Variants in MRTFB observed in about 807,000 individuals in gnomAD.
MRTFB encodes the protein myocardin-related transcription factor B.
MRTFB carries 29 observed loss-of-function variants against 104.2 expected under a neutral mutation model. That is an observed-to-expected ratio of 0.28 (90% CI 0.21 to 0.38). The LOEUF (loss-of-function observed/expected upper bound fraction) is 0.38. Ranked by LOEUF, MRTFB falls within the 10% of genes least tolerant of loss-of-function variation. The pLI, the probability that MRTFB is intolerant of heterozygous loss-of-function variation, is 1.00. For synonymous variants in MRTFB, 535 were observed against 519.5 expected (o/e 1.03, Z -0.41); for missense variants, 1,270 against 1,341.6 (o/e 0.95, Z 0.83).
At position 14,240,387 on chromosome 16, in the gene MRTFB, C is replaced by T; in HGVS notation, c.982C>T (p.Arg328Cys). ...NEPQMDSNYA[R>C]LLQQQQLFLQ... ...GCCGCAGATGGACTCTAACTACGCC[C>T]GCCTGCTCCAGCAGCAGCAGCTGTT... Residue 328 changes from arginine to cysteine, a missense_variant, in exon 10 of 17, where the codon CGC (arginine) becomes TGC (cysteine). Arg to Cys is a radical substitution (Grantham distance 180). Around this residue, in one of 3 missense-constraint regions of MRTFB, gnomAD observed 1,144 missense variants for 1,131.5 expected, o/e 1.01. Coordinates refer to ENST00000571589, the MANE Select transcript of MRTFB (RefSeq NM_001308142.2). The T allele has an allele frequency of 2.5e-6, 4 of 1,614,200 alleles. No individual in the cohort carries two copies. Among genetic ancestry groups the T allele is most frequent in the South Asian group, 1.1e-5 (1 of 91,080 alleles).
At chr16:14,128,874 C>G (rs1173202052) in intron 2 of MRTFB, among the ~76,000 whole-genome samples, 2 of 152,198 alleles carry the variant, frequency 1.3e-5, no homozygotes, top group African/African-American at 4.8e-5. Flanking sequence ...GACAAACACA[C>G]AGAGACATGT....
the MRTFB span, among the ~76,000 whole-genome samples, chr16:14,060,996 C>A: frequency 1.2e-4 from 18 of 151,966 alleles, no homozygotes; most frequent in Non-Finnish European, 2.1e-4. Flanking sequence ...AATACAAAAA[C>A]TTAGCCAGGT....
chr16:14,160,861 C>G (rs182163644), intron 3 of MRTFB, among the ~76,000 whole-genome samples: 1 of 151,884 alleles, frequency 6.6e-6, no homozygotes, highest in East Asian at 1.9e-4. Context: ...TTGGCCCATC[C>G]CCCTTAATTT....
intron 2 of MRTFB, among the ~76,000 whole-genome samples, chr16:14,088,294 T>A (rs1186809682): frequency 3.3e-5 from 5 of 152,318 alleles, no homozygotes; most frequent in Admixed American, 1.3e-4. Context: ...ACAACAGTTC[T>A]GTGAGGATAG....
chr16:14,260,777 C>T (rs1185243525), intron 16 of MRTFB, 132 bp from the exon 17 acceptor site: 1 of 719,392 alleles, frequency 1.4e-6, no homozygotes, highest in Non-Finnish European at 2.3e-6. Context: ...CAATAGCATT[C>T]TCTTCCTACT....
At chr16:14,243,798 C>T (rs1168026839) in intron 10 of MRTFB, among the ~76,000 whole-genome samples, 2 of 151,868 alleles carry the variant, frequency 1.3e-5, no homozygotes, top group African/African-American at 4.8e-5. Context: ...CCAAAAGCCC[C>T]CTTTGTCTCC....
Position 14,245,554 on chromosome 16 carries a change from G to A in MRTFB, c.1106G>A (p.Ser369Asn). ...FKPLNDKNSNSGNSALNNATP... is the reference protein window; with the variant it reads ...FKPLNDKNSNNGNSALNNATP... ...CCACTCAATGACAAAAATAGTAACA[G>A]TGGGAATTCAGCTTTGAACAATGCC... Residue 369 changes from serine (S) to asparagine (N), a missense_variant, in exon 11 of 17, where the codon AGT becomes AAT. By Grantham distance (46) the Ser-to-Asn change is conservative. This residue lies in a region of MRTFB where 1,144 missense variants were observed against 1,131.5 expected (regional missense o/e 1.01). Coordinates refer to ENST00000571589, the MANE Select transcript of MRTFB (RefSeq NM_001308142.2). The A allele has an allele frequency of 1.2e-6, 2 of 1,612,608 alleles. No homozygotes were observed. Among genetic ancestry groups the A allele is most frequent in the South Asian group, 1.1e-5 (1 of 90,492 alleles).
upstream of MRTFB, among the ~76,000 whole-genome samples, chr16:14,068,051 C>T (rs563504857): frequency 2.2e-4 from 33 of 152,096 alleles, no homozygotes; most frequent in South Asian, 2.3e-3. Context: ...AGGCTGGTGT[C>T]GAACTTCTGT....
At chr16:14,119,605 C>A (rs2036734491) in intron 2 of MRTFB, among the ~76,000 whole-genome samples, 1 of 152,034 alleles carries the variant, frequency 6.6e-6, no homozygotes, top group South Asian at 2.1e-4. Context: ...ACAAGGACTT[C>A]AGATAATTTT....
the MRTFB span, among the ~76,000 whole-genome samples, chr16:14,023,441 G>T: frequency 6.6e-6 from 1 of 151,766 alleles, no homozygotes; most frequent in Non-Finnish European, 1.5e-5. Flanking sequence ...TAAGATCCTG[G>T]CTCTGGAGCC....
the MRTFB span, among the ~76,000 whole-genome samples, chr16:14,052,885 C>G: frequency 6.6e-6 from 1 of 152,314 alleles, no homozygotes; most frequent in East Asian, 1.9e-4. Flanking sequence ...CATCCCCACT[C>G]CAACACTTCT....
chr16:14,200,234 T>A, intron 3 of MRTFB: 1 of 1,324,586 alleles, frequency 7.5e-7, no homozygotes, highest in Non-Finnish European at 1.0e-6. Context: ...CTTAAGTATA[T>A]GAATAATACA....
the MRTFB span, among the ~76,000 whole-genome samples, chr16:14,031,401 A>T: frequency 6.6e-6 from 1 of 152,080 alleles, no homozygotes; most frequent in Non-Finnish European, 1.5e-5. Flanking sequence ...CAAAAAAAAA[A>T]AAAAAAGAAT....
the MRTFB span, among the ~76,000 whole-genome samples, chr16:14,011,633 C>T: frequency 2.0e-5 from 3 of 152,138 alleles, no homozygotes; most frequent in African/African-American, 7.2e-5. Flanking sequence ...CGCCTGTAAT[C>T]CCAGCACTTT....
At chr16:14,236,450 A>G (rs1202033424) in intron 9 of MRTFB, among the ~76,000 whole-genome samples, 1 of 152,228 alleles carries the variant, frequency 6.6e-6, no homozygotes, top group African/African-American at 2.4e-5. Context: ...GCAAGGAACA[A>G]AAGATCACAA....
chr16:14,121,875 CTG>C (rs994560365), intron 2 of MRTFB, among the ~76,000 whole-genome samples: 1 of 152,166 alleles, frequency 6.6e-6, no homozygotes, highest in Non-Finnish European at 1.5e-5. Context: ...AATTGTAGAA[CTG>C]AGTTTTTTAA....
At chr16:14,240,073 G>A (rs2042695653) in intron 9 of MRTFB, among the ~76,000 whole-genome samples, 164 bp from the exon 10 acceptor site, 1 of 152,200 alleles carries the variant, frequency 6.6e-6, no homozygotes, top group African/African-American at 2.4e-5. Flanking sequence ...ATATGCAAAC[G>A]TTTTCATGGC....
At chr16:14,039,055 CAT>C in the MRTFB span, among the ~76,000 whole-genome samples, 7 of 152,162 alleles carry the variant, frequency 4.6e-5, no homozygotes, top group Non-Finnish European at 1.0e-4. Flanking sequence ...CCTCCCACAA[CAT>C]GTGGGAATTA....
At chr16:14,033,608 G>A in the MRTFB span, among the ~76,000 whole-genome samples, 10 of 151,966 alleles carry the variant, frequency 6.6e-5, no homozygotes, top group East Asian at 1.9e-4. Context: ...AGGCTGAGGC[G>A]TGTGGATCAC....
Sources: gnomAD v4.1 joint callset for allele counts (sites outside exome capture counted in the v4.1 genomes callset) on GRCh38, gnomAD v4.1.1 for gene constraint, gnomAD v4.1.1 regional missense constraint, MANE v1.5 for transcripts, NCBI Gene and HGNC (gene_info 2026-07-23, HGNC 2026-07-21) for gene names.